Variants in ARHGEF38 observed in about 807,000 individuals in gnomAD.
ARHGEF38 encodes the protein Rho guanine nucleotide exchange factor 38.
ARHGEF38 carries 79 observed loss-of-function variants against 79.9 expected under a neutral mutation model. The observed-to-expected ratio is 0.99, with a 90% CI of 0.82 to 1.19. The LOEUF (loss-of-function observed/expected upper bound fraction) is 1.19. ARHGEF38 is among the 50% of genes most tolerant of loss of function. ARHGEF38 has a pLI of 0.00. For missense variants in ARHGEF38, 962 were observed against 907.2 expected (o/e 1.06, Z -0.78); for synonymous variants, 366 against 328.3 (o/e 1.11, Z -1.24).
intron 5 of ARHGEF38, among the ~76,000 whole-genome samples, chr4:105,639,148 G>C (rs1478533575): frequency 6.6e-6 from 1 of 151,146 alleles, no homozygotes; most frequent in Non-Finnish European, 1.5e-5. Context: ...ATTTTAATTT[G>C]CATTTTTCCT....
intron 1 of ARHGEF38, among the ~76,000 whole-genome samples, chr4:105,580,339 G>A (rs1404836559): frequency 2.0e-5 from 3 of 151,998 alleles, no homozygotes; most frequent in South Asian, 2.1e-4. Flanking sequence ...CTAACTTTTC[G>A]ATGTGGGCAT....
intron 6 of ARHGEF38, among the ~76,000 whole-genome samples, chr4:105,647,588 T>C (rs947880749): frequency 5.3e-5 from 8 of 152,230 alleles, no homozygotes; most frequent in African/African-American, 1.7e-4. Context: ...TTCCTGGTAA[T>C]AGACTATGAA....
At chr4:105,632,062 A>G (rs952157550) in intron 4 of ARHGEF38, among the ~76,000 whole-genome samples, 19 of 152,226 alleles carry the variant, frequency 1.2e-4, no homozygotes, top group Admixed American at 1.2e-3. Context: ...CTAACGTGGT[A>G]CAAGAGGTTT....
intron 1 of ARHGEF38, among the ~76,000 whole-genome samples, chr4:105,567,231 A>G (rs1050879110): frequency 2.6e-5 from 4 of 152,188 alleles, no homozygotes; most frequent in African/African-American, 9.7e-5. Flanking sequence ...TAAGTACTCC[A>G]TTTACACCAG....
At chr4:105,662,815 C>A (rs1212421148) in intron 10 of ARHGEF38, among the ~76,000 whole-genome samples, 2 of 152,110 alleles carry the variant, frequency 1.3e-5, no homozygotes, top group Non-Finnish European at 2.9e-5. Context: ...TTTTAGGTAT[C>A]TTTGATCCCC....
chr4:105,626,617 CCTT>C (rs1728958497), intron 3 of ARHGEF38, among the ~76,000 whole-genome samples: 1 of 152,032 alleles, frequency 6.6e-6, no homozygotes, highest in Non-Finnish European at 1.5e-5. Context: ...TGTTTATTTA[CCTT>C]ATTATTATAG....
At position 105,613,518 on chromosome 4, in the gene ARHGEF38, T is replaced by C; in HGVS notation, c.508+11T>C. 1.2e-6 allele frequency: 2 copies of C among 1,611,824 alleles called. No individual in the cohort carries two copies. The highest frequency in any genetic ancestry group is 1.1e-5 in the South Asian group (1 of 90,630). On this transcript the variant is annotated intron_variant, in intron 3 of 13. Transcript: ENST00000420470. ...CCATGCAAGTAATTGGTATGTTTAT[T>C]CTCTTCTCGAGTTCTACAATACAAC...
At chr4:105,625,933 T>A (rs1323495050) in intron 3 of ARHGEF38, among the ~76,000 whole-genome samples, 1 of 152,124 alleles carries the variant, frequency 6.6e-6, no homozygotes, top group Non-Finnish European at 1.5e-5. Context: ...TTCTCTGCAG[T>A]CTCTTTTTCT....
intron 2 of ARHGEF38, among the ~76,000 whole-genome samples, chr4:105,601,376 A>G (rs146990025): frequency 6.6e-6 from 1 of 152,252 alleles, no homozygotes; most frequent in East Asian, 1.9e-4. Flanking sequence ...ACCTCAATCT[A>G]TCTTAGACTG....
intron 1 of ARHGEF38, 88 bp downstream of exon 1, chr4:105,553,049 C>A: frequency 9.4e-7 from 1 of 1,067,128 alleles, no homozygotes; most frequent in Non-Finnish European, 1.3e-6. Flanking sequence ...ACACACAAGG[C>A]AGAGGGGAAA....
rs545184502 is a variant in ARHGEF38, at chr4:105,670,691, T to C, written c.2148+2988T>C. ...TATTACTTGTTCACTCTGTTGTTTA[T>C]TCAGTTTCTAAAAAACATATTATAA... On this transcript the variant is annotated intron_variant, in intron 13 of 13. Coordinates refer to ENST00000420470, the MANE Select transcript of ARHGEF38 (RefSeq NM_001242729.2). Among the ~76,000 whole-genome samples, 13 of 152,372 alleles carry C rather than the reference T, an allele frequency of 8.5e-5. No homozygotes were observed. In the South Asian group the frequency reaches 2.7e-3, roughly 32 times the overall value.
intron 3 of ARHGEF38, among the ~76,000 whole-genome samples, chr4:105,622,498 A>G (rs969159474): frequency 6.6e-6 from 1 of 152,126 alleles, no homozygotes; most frequent in Non-Finnish European, 1.5e-5. Context: ...GGCTGTCATC[A>G]CTAGTTTGAT....
chr4:105,655,629 T>C lies in ARHGEF38; in HGVS notation c.1140T>C (p.Ser380=), dbSNP rs746591047. The C allele has an allele frequency of 3.3e-6, 5 of 1,535,936 alleles. No individual in the cohort carries two copies. In the South Asian group the frequency reaches 6.0e-5, roughly 18 times the overall value. Residue 380 remains serine, a synonymous_variant, in exon 9 of 14, where the codon AGT becomes AGC. Transcript: ENST00000420470. ...IQDAMPLALQ[S]VMDLQEISYN... ...ATGCCATGCCCCTGGCTCTGCAGAG[T>C]GTGATGGACCTTCAGGAGATTTCAT...
At chr4:105,595,770 T>A (rs1362978063) in intron 2 of ARHGEF38, among the ~76,000 whole-genome samples, 1 of 152,228 alleles carries the variant, frequency 6.6e-6, no homozygotes, top group Non-Finnish European at 1.5e-5. Context: ...CCTAATACAA[T>A]GTAAATGCCA....
intron 1 of ARHGEF38, among the ~76,000 whole-genome samples, chr4:105,562,523 T>A (rs1440615533): frequency 2.0e-5 from 3 of 152,166 alleles, no homozygotes; most frequent in African/African-American, 7.2e-5. Flanking sequence ...TAAAGAAAGA[T>A]TATAAATAAA....
intron 9 of ARHGEF38, among the ~76,000 whole-genome samples, chr4:105,657,197 A>C (rs954213548): frequency 1.3e-4 from 20 of 152,312 alleles, no homozygotes; most frequent in African/African-American, 4.8e-4. Context: ...CTTAGTTCCA[A>C]TACATTAAGT....
At chr4:105,597,622 T>A (rs1301318988) in intron 2 of ARHGEF38, among the ~76,000 whole-genome samples, 1 of 152,244 alleles carries the variant, frequency 6.6e-6, no homozygotes, top group Non-Finnish European at 1.5e-5. Flanking sequence ...TCCATGAAAT[T>A]GCCCTGAACT....
chr4:105,563,112 C>T (rs755710211), intron 1 of ARHGEF38, among the ~76,000 whole-genome samples: 3 of 152,088 alleles, frequency 2.0e-5, no homozygotes, highest in Non-Finnish European at 4.4e-5. Flanking sequence ...CTCCCGGCAG[C>T]TGAAATAATA....
At chr4:105,561,730 A>G (rs6533209) in intron 1 of ARHGEF38, 64,312 of 151,890 alleles carry the variant, frequency 0.42, 14,073 homozygotes, top group Middle Eastern at 0.62. Context: ...TACTAACAAA[A>G]GAAAAAGCAT....
Sources: gnomAD v4.1 joint callset for allele counts (sites outside exome capture counted in the v4.1 genomes callset) on GRCh38, gnomAD v4.1.1 for gene constraint, MANE v1.5 for transcripts, NCBI Gene and HGNC (gene_info 2026-07-23, HGNC 2026-07-21) for gene names.